The following SEMA6D variants were observed in gnomAD, a reference collection of about 807,000 sequenced individuals.
The protein encoded by SEMA6D is semaphorin-6D.
SEMA6D carries 35 observed loss-of-function variants against 106.6 expected under a neutral mutation model. The ratio of observed to expected loss-of-function variants is 0.33; its 90% CI spans 0.25 to 0.44. SEMA6D has a LOEUF of 0.44. SEMA6D is among the 20% of genes least tolerant of loss of function. SEMA6D has a pLI of 1.00. For synonymous variants in SEMA6D, 499 were observed against 487.7 expected (o/e 1.02, Z -0.31); for missense variants, 1,185 against 1,345.9 (o/e 0.88, Z 1.87).
At chr15:47,493,917 C>G (rs1025621015) in intron 3 of SEMA6D, among the ~76,000 whole-genome samples, 4 of 152,018 alleles carry the variant, frequency 2.6e-5, no homozygotes, top group African/African-American at 9.7e-5. Flanking sequence ...AGGTAATTTG[C>G]AAAACAAATT....
At chr15:47,692,586 A>G (rs78794702) in intron 4 of SEMA6D, among the ~76,000 whole-genome samples, 2,658 of 152,300 alleles carry the variant, frequency 0.017, 63 homozygotes, top group African/African-American at 0.061. Context: ...TTAAAAACAT[A>G]TTATACCTGA....
chr15:47,534,791 C>G (rs954272789), intron 3 of SEMA6D, among the ~76,000 whole-genome samples: 1 of 151,952 alleles, frequency 6.6e-6, no homozygotes. Flanking sequence ...TGCACACACC[C>G]AAATTCCTTG....
At chr15:47,569,409 T>C (rs114155141) in intron 3 of SEMA6D, among the ~76,000 whole-genome samples, 1 of 152,098 alleles carries the variant, frequency 6.6e-6, no homozygotes, top group Admixed American at 6.5e-5. Flanking sequence ...GTGCCCATGG[T>C]CATTATTGAT....
chr15:47,689,609 C>T (rs1033124033), intron 4 of SEMA6D, among the ~76,000 whole-genome samples: 3 of 152,334 alleles, frequency 2.0e-5, no homozygotes, highest in African/African-American at 7.2e-5. Context: ...CCTCTACTTC[C>T]TTCAGAGCCT....
chr15:47,453,128 T>C (rs1307692091), intron 2 of SEMA6D, among the ~76,000 whole-genome samples: 1 of 151,930 alleles, frequency 6.6e-6, no homozygotes, highest in Non-Finnish European at 1.5e-5. Context: ...TTTCTCAACT[T>C]TGTTCAGAAT....
chr15:47,682,361 G>T (rs766181143), intron 4 of SEMA6D, among the ~76,000 whole-genome samples: 1 of 152,128 alleles, frequency 6.6e-6, no homozygotes, highest in African/African-American at 2.4e-5. Context: ...TAGAGACGGG[G>T]TTTCACCATG....
intron 1 of SEMA6D, among the ~76,000 whole-genome samples, chr15:47,728,135 G>C (rs1260590198): frequency 6.6e-6 from 1 of 152,186 alleles, no homozygotes; most frequent in African/African-American, 2.4e-5. Flanking sequence ...TTTGGAAGCA[G>C]ATGCCCTGTA....
intron 4 of SEMA6D, among the ~76,000 whole-genome samples, chr15:47,627,148 C>A (rs2077217002): frequency 6.6e-6 from 1 of 152,118 alleles, no homozygotes; most frequent in African/African-American, 2.4e-5. Flanking sequence ...CATTTACTAC[C>A]CATCTTCTCC....
At chr15:47,729,474 A>T (rs768362287) in intron 1 of SEMA6D, among the ~76,000 whole-genome samples, 67 of 152,202 alleles carry the variant, frequency 4.4e-4, no homozygotes, top group Non-Finnish European at 6.3e-4. Flanking sequence ...ATGTGTTTTA[A>T]TGGAACTACT....
In SEMA6D at chr15:47,590,737, G is replaced by A. The variant is rs545297198; in HGVS notation, c.-86-10128G>A. ...TGGACCAATGCAGCTGCAATCCAAC[G>A]AATACCAAGGATCGATGGCCATCAC... On this transcript the variant is annotated intron_variant, in intron 3 of 19. Coordinates refer to the SEMA6D transcript ENST00000558014. Among the ~76,000 whole-genome samples, 10 of 152,176 alleles carry A rather than the reference G, an allele frequency of 6.6e-5. No homozygotes were observed. In the East Asian group the frequency reaches 7.8e-4, roughly 12 times the overall value.
intron 4 of SEMA6D, among the ~76,000 whole-genome samples, chr15:47,679,255 G>A (rs1168126727): frequency 6.6e-6 from 1 of 152,166 alleles, no homozygotes; most frequent in African/African-American, 2.4e-5. Flanking sequence ...GAGCTCTGCC[G>A]CTTAGAGCTG....
In SEMA6D at chr15:47,240,461, A is replaced by C. The variant is rs568153802; in HGVS notation, c.-239+56043A>C. On this transcript the variant is annotated intron_variant, in intron 1 of 19. Transcript: ENST00000558014. ...ATACAATACCTCTGGTTGCTTAGGAAATTTTAATCTCCTCCTTTCTTCATC... is the reference window on the plus strand; with the variant it reads ...ATACAATACCTCTGGTTGCTTAGGACATTTTAATCTCCTCCTTTCTTCATC... Among the ~76,000 whole-genome samples, 25 of 152,286 alleles carry C rather than the reference A, an allele frequency of 1.6e-4. No individual in the cohort carries two copies. In the South Asian group the frequency reaches 5.2e-3, roughly 32 times the overall value.
In SEMA6D at chr15:47,257,099, C is replaced by G. The variant is rs2033846217; in HGVS notation, c.-239+72681C>G. On this transcript the variant is annotated intron_variant, in intron 1 of 19. Transcript: ENST00000558014. ...TTGAGACAGAGTCTCGCTCTGTTGC[C>G]CAGGCTGGAGTGCAGTGCCACAATC... Among the ~76,000 whole-genome samples the G allele has an allele frequency of 2.0e-5, 3 of 150,422 alleles. No homozygotes were observed. The South Asian group carries it at 6.3e-4, about 32-fold the overall frequency.
chr15:47,676,368 A>G (rs1365363231), intron 4 of SEMA6D, among the ~76,000 whole-genome samples: 2 of 152,200 alleles, frequency 1.3e-5, no homozygotes, highest in Non-Finnish European at 2.9e-5. Context: ...ACAGAAGGAG[A>G]GAGAAAGTAA....
intron 2 of SEMA6D, among the ~76,000 whole-genome samples, chr15:47,448,103 C>A (rs1466844715): frequency 1.3e-5 from 2 of 152,108 alleles, no homozygotes; most frequent in Admixed American, 6.6e-5. Flanking sequence ...TGATGGGTGT[C>A]CTGCCATTGG....
At chr15:47,735,432 C>T (rs2080388958) in intron 1 of SEMA6D, among the ~76,000 whole-genome samples, 1 of 152,174 alleles carries the variant, frequency 6.6e-6, no homozygotes, top group Admixed American at 6.5e-5. Context: ...CAGCTTGCAC[C>T]TCTGCAAGCA....
intron 1 of SEMA6D, among the ~76,000 whole-genome samples, chr15:47,252,739 A>G (rs916473915): frequency 6.6e-6 from 1 of 152,146 alleles, no homozygotes; most frequent in Non-Finnish European, 1.5e-5. Flanking sequence ...ACACCCTTTT[A>G]TAGCTGAATA....
chr15:47,512,115 C>G (rs1445780466), intron 3 of SEMA6D, among the ~76,000 whole-genome samples: 1 of 152,192 alleles, frequency 6.6e-6, no homozygotes, highest in Non-Finnish European at 1.5e-5. Flanking sequence ...AATACATAAG[C>G]TGACAACCAC....
intron 4 of SEMA6D, among the ~76,000 whole-genome samples, chr15:47,658,241 A>G (rs901336081): frequency 1.3e-4 from 20 of 152,130 alleles, no homozygotes; most frequent in African/African-American, 4.3e-4. Flanking sequence ...CTTACATTGT[A>G]TCCTTTGAAC....
Sources: gnomAD v4.1 joint callset for allele counts (sites outside exome capture counted in the v4.1 genomes callset) on GRCh38, gnomAD v4.1.1 for gene constraint, MANE v1.5 for transcripts, NCBI Gene and HGNC (gene_info 2026-07-23, HGNC 2026-07-21) for gene names.